ZZZ3: variants seen among roughly 807,000 people sequenced by gnomAD.
ZZZ3 encodes ZZ-type zinc finger-containing protein 3.
A neutral mutation model predicts 95.2 loss-of-function variants in ZZZ3; 22 were observed. That is an observed-to-expected ratio of 0.23 (90% CI 0.17 to 0.33). ZZZ3 has a LOEUF of 0.33. ZZZ3 is among the 10% of genes least tolerant of loss of function. The pLI is 1.00. For synonymous variants in ZZZ3, 335 were observed against 358.9 expected (o/e 0.93, Z 0.75); for missense variants, 885 against 1,066.5 (o/e 0.83, Z 2.37).
Position 77,665,808 on chromosome 1 carries a change from C to T in ZZZ3, c.-403+16777G>A, listed in dbSNP as rs1484129849. The stretch of plus-strand genomic sequence containing the variant: ...CTGTAATCCCAGCACTTTGGGAGGC[C>T]GAGGCGGGCGGATCACCTGACGTCA... On this transcript the variant is annotated intron_variant, in intron 1 of 14. Coordinates refer to ENST00000370801, the MANE Select transcript of ZZZ3 (RefSeq NM_015534.6). Among the ~76,000 whole-genome samples, 4 of 151,838 alleles carry T rather than the reference C, an allele frequency of 2.6e-5. No individual in the cohort carries two copies. The East Asian group carries it at 5.8e-4, about 22-fold the overall frequency.
At chr1:77,663,552 G>A (rs1205537521) in intron 1 of ZZZ3, among the ~76,000 whole-genome samples, 3 of 152,084 alleles carry the variant, frequency 2.0e-5, no homozygotes, top group African/African-American at 4.8e-5. Context: ...TTTTCTTAAA[G>A]TGTAGCTTTC....
intron 5 of ZZZ3, among the ~76,000 whole-genome samples, chr1:77,630,433 C>T (rs1667694774): frequency 1.3e-5 from 2 of 152,054 alleles, no homozygotes; most frequent in South Asian, 4.1e-4. Context: ...GCCATGATTG[C>T]ACCTGTGTAC....
intron 1 of ZZZ3, among the ~76,000 whole-genome samples, chr1:77,667,763 CTTTTTT>C (rs34939314): frequency 3.5e-5 from 4 of 115,108 alleles, no homozygotes; most frequent in African/African-American, 7.0e-5. Context: ...AATGGGTATT[CTTTTTT>C]TTTTTTTTTT....
chr1:77,595,890 A>G (rs1664170176), intron 5 of ZZZ3, among the ~76,000 whole-genome samples: 1 of 152,090 alleles, frequency 6.6e-6, no homozygotes, highest in South Asian at 2.1e-4. Flanking sequence ...ACTGAAAAGC[A>G]AAAGAGGGTA....
chr1:77,638,685 T>C (rs1165401536), intron 4 of ZZZ3, among the ~76,000 whole-genome samples: 1 of 152,130 alleles, frequency 6.6e-6, no homozygotes, highest in Non-Finnish European at 1.5e-5. Flanking sequence ...AAGTGAAAAA[T>C]TTTTAGTAAA....
chr1:77,676,405 C>T (rs1231601210), intron 1 of ZZZ3, among the ~76,000 whole-genome samples: 4 of 152,164 alleles, frequency 2.6e-5, no homozygotes, highest in Non-Finnish European at 2.9e-5. Flanking sequence ...TGGGCTGAAG[C>T]GATCCTTCCA....
At chr1:77,591,437 G>A (rs1200530705) in intron 5 of ZZZ3, among the ~76,000 whole-genome samples, 3 of 152,108 alleles carry the variant, frequency 2.0e-5, no homozygotes, top group African/African-American at 7.2e-5. Context: ...CAAACTCAGG[G>A]CTCAAGTTGT....
intron 1 of ZZZ3, among the ~76,000 whole-genome samples, chr1:77,652,911 G>A (rs1669937021): frequency 6.6e-6 from 1 of 152,222 alleles, no homozygotes; most frequent in African/African-American, 2.4e-5. Flanking sequence ...GCCAGGTGCA[G>A]TGGTTCACAC....
intron 5 of ZZZ3, among the ~76,000 whole-genome samples, chr1:77,611,680 C>T (rs947713175): frequency 6.6e-6 from 1 of 151,996 alleles, no homozygotes; most frequent in Admixed American, 6.6e-5. Flanking sequence ...AATAAACCCA[C>T]GTGTTTGCAG....
chr1:77,611,360 A>G (rs1182427273), intron 5 of ZZZ3, among the ~76,000 whole-genome samples: 3 of 151,890 alleles, frequency 2.0e-5, no homozygotes, highest in African/African-American at 7.2e-5. Context: ...ACTCAGGAAG[A>G]TAGAAATACA....
intron 5 of ZZZ3, among the ~76,000 whole-genome samples, chr1:77,593,938 T>C (rs758727049): frequency 2.4e-4 from 37 of 152,144 alleles, no homozygotes; most frequent in Admixed American, 8.5e-4. Flanking sequence ...AAATGGATAA[T>C]TGCAAAAGCT....
Position 77,611,159 on chromosome 1 carries a change from A to G in ZZZ3, c.1505+20691T>C, listed in dbSNP as rs1406295289. On this transcript the variant is annotated intron_variant, in intron 5 of 14. Coordinates refer to ENST00000370801, the MANE Select transcript of ZZZ3 (RefSeq NM_015534.6). ...CAAAAATCAACATACAATAATCAGT[A>G]GCATTTCTATACACTAACAATGAAT... Among the ~76,000 whole-genome samples the G allele has an allele frequency of 2.0e-5, 3 of 150,052 alleles. No homozygotes were observed. In the Admixed American group the frequency reaches 2.0e-4, roughly 10 times the overall value.
chr1:77,643,308 A>C (rs1031905406), intron 1 of ZZZ3, among the ~76,000 whole-genome samples: 1 of 152,224 alleles, frequency 6.6e-6, no homozygotes, highest in Non-Finnish European at 1.5e-5. Context: ...CACCTCATTC[A>C]ATATACATTT....
chr1:77,665,438 C>T (rs887831575), intron 1 of ZZZ3, among the ~76,000 whole-genome samples: 2 of 152,168 alleles, frequency 1.3e-5, no homozygotes, highest in Non-Finnish European at 1.5e-5. Context: ...GACTGCCCAA[C>T]GTCCATGATT....
chr1:77,622,350 G>A (rs1298144489), intron 5 of ZZZ3, among the ~76,000 whole-genome samples: 1 of 110,580 alleles, frequency 9.0e-6, no homozygotes, highest in African/African-American at 3.3e-5. Flanking sequence ...GAATGATAAT[G>A]TAAAACAAAT....
Position 77,564,856 on chromosome 1 carries a change from A to C in ZZZ3, c.*784T>G, listed in dbSNP as rs1192154763. On this transcript the variant is annotated 3_prime_UTR_variant, in exon 15 of 15. Coordinates refer to ENST00000370801, the MANE Select transcript of ZZZ3 (RefSeq NM_015534.6). ...AGAGGCAGAAGGCTGTGTATTTTAA[A>C]GGAATTAATGTTGTGAATTAGAAAC... is the stretch of plus-strand genomic sequence containing the variant. 6.6e-6 allele frequency: 1 copy of C among 152,658 alleles called. No homozygotes were observed. The highest frequency in any genetic ancestry group is 6.5e-5 in the Admixed American group (1 of 15,288). The allele number at this position is 152,658 out of a possible 1,614,324, so 9.5% of individuals were successfully genotyped here. A position where few individuals can be genotyped will look rare whatever the true frequency, so the allele number is the denominator to read the frequency against.
At chr1:77,583,154 C>T (rs758352389) in intron 6 of ZZZ3, among the ~76,000 whole-genome samples, 3 of 151,608 alleles carry the variant, frequency 2.0e-5, no homozygotes, top group Non-Finnish European at 2.9e-5. Flanking sequence ...CTAAACTAAA[C>T]CTGAAAGTGA....
intron 14 of ZZZ3, 139 bp downstream of exon 14, chr1:77,565,942 A>G: frequency 9.0e-7 from 1 of 1,109,222 alleles, no homozygotes. Flanking sequence ...ACAGAAAAAA[A>G]TTAATTGCCT....
chr1:77,681,159 C>T (rs1420638545), intron 1 of ZZZ3, among the ~76,000 whole-genome samples: 1 of 152,112 alleles, frequency 6.6e-6, no homozygotes, highest in Admixed American at 6.5e-5. Context: ...GAAACAAAAA[C>T]TAAACCAAAA....
Sources: allele counts gnomAD v4.1 joint callset (sites outside exome capture counted in the v4.1 genomes callset), GRCh38; gene constraint gnomAD v4.1.1; transcripts MANE v1.5; gene names NCBI Gene and HGNC (gene_info 2026-07-23, HGNC 2026-07-21).